The following PTPRD variants were observed in gnomAD, a reference collection of about 807,000 sequenced individuals.
PTPRD encodes protein tyrosine phosphatase receptor type D, also known as receptor-type tyrosine-protein phosphatase delta.
PTPRD carries 34 observed loss-of-function variants against 214.5 expected under a neutral mutation model. The ratio of observed to expected loss-of-function variants is 0.16; its 90% CI spans 0.12 to 0.21. PTPRD has a LOEUF of 0.21. Ranked by LOEUF, PTPRD falls within the 10% of genes least tolerant of loss-of-function variation. The probability of loss-of-function intolerance (pLI) is 1.00; values close to 1 mark genes in which losing one functional copy is unlikely to be tolerated. For synonymous variants in PTPRD, 1,128 were observed against 845.7 expected, an observed-to-expected ratio of 1.33 and a Z score of -5.79; for missense variants, 2,545 against 2,398.7, an observed-to-expected ratio of 1.06 and a Z score of -1.27.
intron 8 of PTPRD, among the ~76,000 whole-genome samples, chr9:9,484,869 G>C (rs1319277424): frequency 6.6e-6 from 1 of 152,132 alleles, no homozygotes; most frequent in African/African-American, 2.4e-5. Context: ...GAAGCTTCAT[G>C]TAACAGTAAA....
chr9:10,217,318 A>G (rs2099546269), intron 3 of PTPRD, among the ~76,000 whole-genome samples: 1 of 151,752 alleles, frequency 6.6e-6, no homozygotes, highest in Non-Finnish European at 1.5e-5. Flanking sequence ...AAACACACAC[A>G]CTACACAAAG....
At chr9:9,907,510 G>A (rs928870846) in intron 5 of PTPRD, among the ~76,000 whole-genome samples, 7 of 151,912 alleles carry the variant, frequency 4.6e-5, no homozygotes, top group African/African-American at 1.4e-4. Context: ...TTTACTCAAT[G>A]TACACATATC....
intron 12 of PTPRD, chr9:8,700,953 G>C (rs976324045): frequency 1.3e-5 from 2 of 152,016 alleles, no homozygotes; most frequent in Non-Finnish European, 1.5e-5. Context: ...ACAAGGTCAG[G>C]AGTTCGAGAC....
intron 23 of PTPRD, among the ~76,000 whole-genome samples, chr9:8,503,658 A>G (rs2097469843): frequency 1.3e-5 from 2 of 152,240 alleles, no homozygotes; most frequent in South Asian, 4.1e-4. Flanking sequence ...AATACAATTT[A>G]GAATTGCAAA....
chr9:9,347,562 A>T (rs2049341445), intron 9 of PTPRD, among the ~76,000 whole-genome samples: 1 of 152,040 alleles, frequency 6.6e-6, no homozygotes. Context: ...AATTTTCATT[A>T]TTCTTTAGCT....
At chr9:9,804,055 A>T (rs1242166547) in intron 5 of PTPRD, among the ~76,000 whole-genome samples, 5 of 152,006 alleles carry the variant, frequency 3.3e-5, no homozygotes, top group African/African-American at 1.2e-4. Flanking sequence ...GTAGTGTGTG[A>T]GTTATTTTTT....
At chr9:10,359,180 G>T (rs1467477898) in intron 2 of PTPRD, among the ~76,000 whole-genome samples, 1 of 151,838 alleles carries the variant, frequency 6.6e-6, no homozygotes, top group Admixed American at 6.6e-5. Context: ...TCATTGTTCA[G>T]CCATCCTTTC....
At chr9:9,941,655 T>C (rs550159773) in intron 4 of PTPRD, among the ~76,000 whole-genome samples, 3 of 152,114 alleles carry the variant, frequency 2.0e-5, no homozygotes, top group South Asian at 2.1e-4. Context: ...TTTGTCACAA[T>C]GTAAGGAAAG....
intron 2 of PTPRD, among the ~76,000 whole-genome samples, chr9:10,480,595 G>A (rs544572495): frequency 1.3e-5 from 2 of 151,462 alleles, no homozygotes; most frequent in African/African-American, 4.8e-5. Context: ...CAGATAATTT[G>A]AAAAATATTA....
intron 12 of PTPRD, among the ~76,000 whole-genome samples, chr9:8,648,307 G>A (rs1596028132): frequency 6.6e-6 from 1 of 152,148 alleles, no homozygotes; most frequent in South Asian, 2.1e-4. Context: ...CCTACATTCT[G>A]TGTGCCCGGG....
At chr9:9,923,123 G>GTGTGTGTGTGT (rs1555340190) in intron 5 of PTPRD, among the ~76,000 whole-genome samples, 6,989 of 144,964 alleles carry the variant, frequency 0.048, 553 homozygotes, top group African/African-American at 0.17. Flanking sequence ...GTGTGTGGGG[G>GTGTGTGTGTGT]GTGTGTGTGT....
chr9:8,880,598 A>G (rs952508832), intron 11 of PTPRD, among the ~76,000 whole-genome samples: 41 of 152,212 alleles, frequency 2.7e-4, no homozygotes, highest in African/African-American at 9.2e-4. Flanking sequence ...CAAACAAGCA[A>G]ATAGACCAGG....
At chr9:9,721,189 T>C (rs1282722789) in intron 7 of PTPRD, among the ~76,000 whole-genome samples, 3 of 152,064 alleles carry the variant, frequency 2.0e-5, no homozygotes, top group African/African-American at 4.8e-5. Flanking sequence ...AAAAAGAGTA[T>C]AGAAAGTTGC....
At chr9:9,599,731 T>C (rs1004417466) in intron 7 of PTPRD, among the ~76,000 whole-genome samples, 1 of 152,074 alleles carries the variant, frequency 6.6e-6, no homozygotes, top group South Asian at 2.1e-4. Context: ...AGAATTCCTG[T>C]AATTTAAAAA....
At chr9:10,194,432 T>G (rs2099389285) in intron 3 of PTPRD, among the ~76,000 whole-genome samples, 1 of 149,608 alleles carries the variant, frequency 6.7e-6, no homozygotes, top group Non-Finnish European at 1.5e-5. Context: ...ATTGGCAGAA[T>G]GGCTGTTAGA....
At chr9:8,703,419 T>C (rs2098133094) in intron 12 of PTPRD, among the ~76,000 whole-genome samples, 1 of 152,182 alleles carries the variant, frequency 6.6e-6, no homozygotes, top group Non-Finnish European at 1.5e-5. Context: ...AGTTCCACCA[T>C]TCCACCACCT....
chr9:9,754,825 G>A (rs905774712), intron 6 of PTPRD, among the ~76,000 whole-genome samples: 7 of 151,968 alleles, frequency 4.6e-5, no homozygotes, highest in South Asian at 4.1e-4. Flanking sequence ...AAGCTGTCAC[G>A]TTCTACCTGA....
At chr9:8,607,316 A>G (rs2095264725) in intron 14 of PTPRD, among the ~76,000 whole-genome samples, 1 of 152,162 alleles carries the variant, frequency 6.6e-6, no homozygotes, top group South Asian at 2.1e-4. Context: ...AAAATCTGTA[A>G]GCATATAAAC....
chr9:8,899,131 T>TA (rs1211773081), intron 11 of PTPRD, among the ~76,000 whole-genome samples: 3 of 151,906 alleles, frequency 2.0e-5, no homozygotes, highest in Non-Finnish European at 2.9e-5. Flanking sequence ...CCAGGCAAGA[T>TA]AAAAAAAAGA....
Sources: gnomAD v4.1 joint callset for allele counts (sites outside exome capture counted in the v4.1 genomes callset) on GRCh38, gnomAD v4.1.1 for gene constraint, MANE v1.5 for transcripts, NCBI Gene and HGNC (gene_info 2026-07-23, HGNC 2026-07-21) for gene names.